The following CNTNAP2 variants were observed in gnomAD, a reference collection of about 807,000 sequenced individuals.
CNTNAP2 encodes the protein contactin-associated protein-like 2.
Under a neutral mutation model 155.2 loss-of-function variants are expected in CNTNAP2, and 98 were observed. The observed-to-expected ratio is 0.63, with a 90% CI of 0.54 to 0.75. The LOEUF is 0.75. Among genes scored for constraint, CNTNAP2 ranks in the 30% least tolerant of loss-of-function variants. CNTNAP2 has a pLI of 0.00. For synonymous variants in CNTNAP2, 651 were observed against 631.2 expected (o/e 1.03, Z -0.47); for missense variants, 1,727 against 1,688.1 (o/e 1.02, Z -0.40).
At chr7:146,633,557 G>A (rs551994657) in intron 1 of CNTNAP2, among the ~76,000 whole-genome samples, 169 of 152,096 alleles carry the variant, frequency 1.1e-3, no homozygotes, top group Non-Finnish European at 1.9e-3. Context: ...AAATGCTGCC[G>A]TTATCTGAAC....
chr7:147,552,605 CACAG>C (rs892212216), intron 11 of CNTNAP2, among the ~76,000 whole-genome samples: 36 of 143,714 alleles, frequency 2.5e-4, no homozygotes, highest in East Asian at 1.0e-3. Context: ...CACACACACA[CACAG>C]AGATATAAAT....
At chr7:146,587,680 A>AT (rs150142822) in intron 1 of CNTNAP2, among the ~76,000 whole-genome samples, 5,228 of 150,248 alleles carry the variant, frequency 0.035, 294 homozygotes, top group African/African-American at 0.12. Context: ...TTTCTTTTTC[A>AT]TTTTTTTTTG....
chr7:148,140,893 A>G (rs1336610226), intron 16 of CNTNAP2, among the ~76,000 whole-genome samples: 3 of 152,276 alleles, frequency 2.0e-5, no homozygotes, highest in Non-Finnish European at 4.4e-5. Context: ...AGACCTCTTG[A>G]GGGCAAGGCT....
chr7:146,385,436 A>G (rs1795446579), intron 1 of CNTNAP2, among the ~76,000 whole-genome samples: 1 of 152,216 alleles, frequency 6.6e-6, no homozygotes, highest in African/African-American at 2.4e-5. Context: ...ACACATCCCA[A>G]TCAAGTGACA....
intron 10 of CNTNAP2, among the ~76,000 whole-genome samples, chr7:147,434,057 G>T (rs906139100): frequency 6.6e-6 from 1 of 152,176 alleles, no homozygotes. Flanking sequence ...AAGGAGCTTT[G>T]TTGAGGCTTA....
intron 1 of CNTNAP2, among the ~76,000 whole-genome samples, chr7:146,475,017 A>G (rs866633552): frequency 7.0e-4 from 98 of 139,812 alleles, no homozygotes; most frequent in African/African-American, 1.9e-3. Context: ...GCGCGCGCAC[A>G]CACACACACA....
intron 13 of CNTNAP2, among the ~76,000 whole-genome samples, chr7:147,689,303 C>G (rs1367187159): frequency 6.6e-6 from 1 of 152,006 alleles, no homozygotes; most frequent in Non-Finnish European, 1.5e-5. Context: ...TTACGCACCA[C>G]CAAGCCCAGT....
chr7:148,113,973 C>A (rs917360389), intron 15 of CNTNAP2, among the ~76,000 whole-genome samples: 2 of 152,218 alleles, frequency 1.3e-5, no homozygotes, highest in African/African-American at 4.8e-5. Flanking sequence ...AGCCTTGCCT[C>A]CTCCACTTAT....
chr7:146,869,883 T>C lies in CNTNAP2; in HGVS notation c.402+29979T>C, dbSNP rs115930692. ...TCCTCTCCCAGTCCACTGACTCGAATATTAATCTCTTCTGGTAACACTCAG... is the reference window on the plus strand; with the variant it reads ...TCCTCTCCCAGTCCACTGACTCGAACATTAATCTCTTCTGGTAACACTCAG... On this transcript the variant is annotated intron_variant, in intron 3 of 23. Transcript: ENST00000361727. Among the ~76,000 whole-genome samples the C allele has an allele frequency of 6.0e-3, 907 of 152,250 alleles. 10 individuals are homozygous for C. The highest frequency in any genetic ancestry group is 0.021 in the African/African-American group (880 of 41,560).
intron 1 of CNTNAP2, among the ~76,000 whole-genome samples, chr7:146,760,258 A>T (rs1390718807): frequency 6.6e-6 from 1 of 152,030 alleles, no homozygotes; most frequent in East Asian, 1.9e-4. Context: ...CACATAAGAA[A>T]TCAGTAATTT....
intron 4 of CNTNAP2, among the ~76,000 whole-genome samples, chr7:147,093,625 A>C (rs1047722811): frequency 5.3e-5 from 8 of 152,164 alleles, no homozygotes; most frequent in Admixed American, 4.6e-4. Context: ...GTTCTGCCCC[A>C]AAACCCCAAA....
At chr7:147,161,231 A>C (rs1452542545) in intron 8 of CNTNAP2, among the ~76,000 whole-genome samples, 3 of 152,140 alleles carry the variant, frequency 2.0e-5, no homozygotes, top group Non-Finnish European at 4.4e-5. Context: ...TAAGACATGC[A>C]ATATATGAAG....
intron 1 of CNTNAP2, among the ~76,000 whole-genome samples, chr7:146,350,500 A>G (rs964254914): frequency 6.6e-6 from 1 of 151,974 alleles, no homozygotes; most frequent in Non-Finnish European, 1.5e-5. Flanking sequence ...CACCAGTTAG[A>G]ATGGCAATCA....
chr7:146,746,162 T>C (rs1801806708), intron 1 of CNTNAP2, among the ~76,000 whole-genome samples: 1 of 152,364 alleles, frequency 6.6e-6, no homozygotes, highest in South Asian at 2.1e-4. Flanking sequence ...TGTTAATTCA[T>C]TGTTGCACAA....
At chr7:147,738,197 C>T in intron 13 of CNTNAP2, among the ~76,000 whole-genome samples, 1 of 152,134 alleles carries the variant, frequency 6.6e-6, no homozygotes, top group South Asian at 2.1e-4. Flanking sequence ...GGAAACTACT[C>T]ATGCTGAAGA....
At chr7:146,312,726 C>T (rs1471912786) in intron 1 of CNTNAP2, among the ~76,000 whole-genome samples, 1 of 152,142 alleles carries the variant, frequency 6.6e-6, no homozygotes, top group African/African-American at 2.4e-5. Flanking sequence ...TCCCTCCACT[C>T]CTAGTTTCTG....
chr7:146,342,877 G>A (rs939713345), intron 1 of CNTNAP2, among the ~76,000 whole-genome samples: 5 of 152,100 alleles, frequency 3.3e-5, no homozygotes, highest in African/African-American at 1.2e-4. Context: ...AATTCGCTTG[G>A]CTATTATTTC....
At chr7:147,715,025 T>C (rs1796461743) in intron 13 of CNTNAP2, among the ~76,000 whole-genome samples, 1 of 152,130 alleles carries the variant, frequency 6.6e-6, no homozygotes, top group Non-Finnish European at 1.5e-5. Flanking sequence ...TCCTTTTTCT[T>C]CCTGAGTAGT....
chr7:148,248,390 G>A (rs1387131640), intron 20 of CNTNAP2, among the ~76,000 whole-genome samples: 1 of 151,984 alleles, frequency 6.6e-6, no homozygotes, highest in Non-Finnish European at 1.5e-5. Context: ...GTAGAGATGA[G>A]GTTTCACTAT....
Sources: gnomAD v4.1 joint callset for allele counts (sites outside exome capture counted in the v4.1 genomes callset) on GRCh38, gnomAD v4.1.1 for gene constraint, MANE v1.5 for transcripts, NCBI Gene and HGNC (gene_info 2026-07-23, HGNC 2026-07-21) for gene names.